The following SLC44A5 variants were observed in gnomAD, a reference collection of about 807,000 sequenced individuals.
The protein encoded by SLC44A5 is solute carrier family 44 member 5.
A neutral mutation model predicts 101.8 loss-of-function variants in SLC44A5; 57 were observed. That is an observed-to-expected ratio of 0.56 (90% CI 0.45 to 0.70). SLC44A5 has a LOEUF of 0.70. SLC44A5 is among the 30% of genes least tolerant of loss of function. SLC44A5 has a pLI of 0.00. For synonymous variants in SLC44A5, 281 were observed against 290.9 expected (o/e 0.97, Z 0.35); for missense variants, 737 against 853.1 (o/e 0.86, Z 1.70).
At chr1:75,433,530 T>C (rs1276309631) in intron 2 of SLC44A5, among the ~76,000 whole-genome samples, 1 of 151,994 alleles carries the variant, frequency 6.6e-6, no homozygotes, top group Non-Finnish European at 1.5e-5. Context: ...TCCTCCTTTT[T>C]GCTCTACACT....
At chr1:75,354,691 C>G (rs1331116364) in intron 3 of SLC44A5, among the ~76,000 whole-genome samples, 1 of 152,184 alleles carries the variant, frequency 6.6e-6, no homozygotes, top group Non-Finnish European at 1.5e-5. Context: ...CACTCCGACA[C>G]AGAAAAGCTT....
At chr1:75,578,409 A>C (rs1487566651) in intron 1 of SLC44A5, among the ~76,000 whole-genome samples, 2 of 152,192 alleles carry the variant, frequency 1.3e-5, no homozygotes, top group African/African-American at 4.8e-5. Flanking sequence ...TAGATGATTG[A>C]TAGAGATAGA....
the SLC44A5 span, chr1:75,677,662 C>T: frequency 2.5e-6 from 1 of 400,872 alleles, no homozygotes; most frequent in African/African-American, 2.2e-5. Context: ...GGAACAAACT[C>T]TCCAATAAAA....
At chr1:75,466,499 A>T (rs539645644) in intron 2 of SLC44A5, among the ~76,000 whole-genome samples, 6 of 152,166 alleles carry the variant, frequency 3.9e-5, no homozygotes, top group African/African-American at 1.2e-4. Context: ...TACTAAAAAT[A>T]CAAAAAGTTA....
In SLC44A5 at chr1:75,306,733, CTTT is replaced by C. The variant is rs771955227; in HGVS notation, c.102-6051_102-6049del. ...ACTGATTCATTTACTGGTTTCCTTT[CTTT>C]TTTTTTTTTTTTTTTTGAGACGGAG... On this transcript the variant is annotated intron_variant, in intron 4 of 23. Transcript: ENST00000370859. 1.9e-4 allele frequency among the ~76,000 whole-genome samples: 20 copies of C among 102,588 alleles called. 1 individual carries two copies. The highest frequency in any genetic ancestry group is 1.9e-3 in the Admixed American group (16 of 8,282). 67.3% of individuals were successfully genotyped at this position (102,588 alleles called of 152,430 possible).
At chr1:75,209,491 G>T (rs950696562) in intron 23 of SLC44A5, among the ~76,000 whole-genome samples, 1 of 152,124 alleles carries the variant, frequency 6.6e-6, no homozygotes, top group Admixed American at 6.6e-5. Context: ...TGAACTGTTT[G>T]TTCATGTGAT....
At chr1:75,429,775 G>A (rs1664508832) in intron 2 of SLC44A5, among the ~76,000 whole-genome samples, 1 of 152,082 alleles carries the variant, frequency 6.6e-6, no homozygotes, top group African/African-American at 2.4e-5. Flanking sequence ...AACTCAGAGT[G>A]AGAACTCACT....
chr1:75,603,115 G>T (rs211692), intron 1 of SLC44A5, among the ~76,000 whole-genome samples: 117,534 of 151,800 alleles, frequency 0.77, 45,812 homozygotes, highest in East Asian at 0.94. Flanking sequence ...CAGTTCATTT[G>T]TCAACCCTTT....
At chr1:75,442,152 T>C (rs1225023158) in intron 2 of SLC44A5, among the ~76,000 whole-genome samples, 1 of 152,168 alleles carries the variant, frequency 6.6e-6, no homozygotes, top group African/African-American at 2.4e-5. Context: ...CCCTTTGTAA[T>C]TCGGCTCTAG....
the SLC44A5 span, among the ~76,000 whole-genome samples, chr1:75,622,068 C>T: frequency 7.2e-5 from 11 of 152,056 alleles, no homozygotes; most frequent in African/African-American, 2.7e-4. Flanking sequence ...GGGTGAGACC[C>T]TGTAGAATTT....
At chr1:75,677,070 CA>C in the SLC44A5 span, among the ~76,000 whole-genome samples, 1 of 152,066 alleles carries the variant, frequency 6.6e-6, no homozygotes, top group African/African-American at 2.4e-5. Context: ...GGGATTTCAT[CA>C]ACACCAGATC....
intron 1 of SLC44A5, among the ~76,000 whole-genome samples, chr1:75,599,938 G>A (rs147537370): frequency 0.01 from 1,588 of 152,240 alleles, 39 homozygotes; most frequent in African/African-American, 0.036. Context: ...GCCATTATTG[G>A]ATTTTAGGGA....
chr1:75,377,021 G>A (rs183757565), intron 3 of SLC44A5, among the ~76,000 whole-genome samples: 2,053 of 152,284 alleles, frequency 0.013, 45 homozygotes, highest in African/African-American at 0.047. Flanking sequence ...CGAGAACTAC[G>A]TGAAGAATGA....
intron 3 of SLC44A5, among the ~76,000 whole-genome samples, chr1:75,396,269 A>T (rs1455931641): frequency 6.6e-6 from 1 of 152,114 alleles, no homozygotes; most frequent in African/African-American, 2.4e-5. Context: ...AACAAGACTC[A>T]TGTGTCAAAG....
At chr1:75,660,620 A>G in the SLC44A5 span, among the ~76,000 whole-genome samples, 3 of 152,232 alleles carry the variant, frequency 2.0e-5, no homozygotes, top group Non-Finnish European at 4.4e-5. Flanking sequence ...AAACAAATTC[A>G]GTAAAGTTGC....
intron 3 of SLC44A5, among the ~76,000 whole-genome samples, chr1:75,394,847 C>T (rs1662025833): frequency 6.6e-6 from 1 of 152,038 alleles, no homozygotes; most frequent in African/African-American, 2.4e-5. Flanking sequence ...TATCCACTCA[C>T]CCCTGAATAC....
chr1:75,384,741 C>A (rs1457809937), intron 3 of SLC44A5, among the ~76,000 whole-genome samples: 1 of 135,308 alleles, frequency 7.4e-6, no homozygotes, highest in African/African-American at 2.8e-5. Context: ...CACCCCAAAT[C>A]AACAGAATAT....
intron 10 of SLC44A5, among the ~76,000 whole-genome samples, chr1:75,237,676 G>A (rs1000823231): frequency 6.6e-6 from 1 of 151,902 alleles, no homozygotes; most frequent in Non-Finnish European, 1.5e-5. Context: ...GCATCACAGG[G>A]AAATAAATTT....
the SLC44A5 span, among the ~76,000 whole-genome samples, chr1:75,707,868 C>G: frequency 2.0e-5 from 3 of 151,848 alleles, no homozygotes; most frequent in East Asian, 3.9e-4. Flanking sequence ...TCAAAACATG[C>G]AAATTAAAAT....
Sources: gnomAD v4.1 joint callset for allele counts (sites outside exome capture counted in the v4.1 genomes callset) on GRCh38, gnomAD v4.1.1 for gene constraint, MANE v1.5 for transcripts, NCBI Gene and HGNC (gene_info 2026-07-23, HGNC 2026-07-21) for gene names.